Variants in BIRC6 observed in about 807,000 individuals in gnomAD.
BIRC6 encodes baculoviral IAP repeat containing 6.
In BIRC6, 98 loss-of-function variants were observed where a neutral mutation model predicts 503.3. The observed-to-expected ratio is 0.19, with a 90% CI of 0.17 to 0.23. BIRC6 has a LOEUF of 0.23. Among genes scored for constraint, BIRC6 ranks in the 10% least tolerant of loss-of-function variants. The pLI is 1.00. For missense variants in BIRC6, 5,360 were observed against 5,806.0 expected (o/e 0.92, Z 2.50); for synonymous variants, 2,240 against 2,078.7 (o/e 1.08, Z -2.11).
intron 40 of BIRC6, among the ~76,000 whole-genome samples, chr2:32,487,340 C>T (rs1403197290): frequency 6.6e-6 from 1 of 151,912 alleles, no homozygotes; most frequent in Non-Finnish European, 1.5e-5. Flanking sequence ...TATTTCTTTC[C>T]CTTTACTTTC....
At position 32,430,974 on chromosome 2, in the gene BIRC6, A is replaced by G. The variant is rs747092793; in HGVS notation, c.3132A>G (p.Pro1044=). 7 of 1,613,242 alleles carry G rather than the reference A, an allele frequency of 4.3e-6. No individual in the cohort carries two copies. The Admixed American group carries it at 8.3e-5, about 19-fold the overall frequency. ...LTPRFSATVP[P]CWVEVQQEQQ... Reference sequence around the variant, plus strand: ...CAAGGTTTTCAGCGACTGTTCCTCCATGCTGGGTAGAAGTTCAACAAGAAC... The same window carrying G: ...CAAGGTTTTCAGCGACTGTTCCTCCGTGCTGGGTAGAAGTTCAACAAGAAC... Residue 1044 remains proline (P), a synonymous_variant, in exon 12 of 74, where the codon CCA becomes CCG. Transcript: ENST00000421745.
intron 34 of BIRC6, 33 bp from the exon 35 acceptor site, chr2:32,477,334 CA>C (rs745763371): frequency 1.3e-6 from 2 of 1,589,548 alleles, no homozygotes; most frequent in Non-Finnish European, 1.7e-6. Flanking sequence ...ATTAAGTAAA[CA>C]TTGATTTAAA....
chr2:32,384,084 G>A (rs1266424694), intron 3 of BIRC6, among the ~76,000 whole-genome samples: 1 of 152,208 alleles, frequency 6.6e-6, no homozygotes, highest in Non-Finnish European at 1.5e-5. Context: ...TGGAAGTGTT[G>A]TTGTACCCCT....
chr2:32,581,681 A>G (rs1378006875), intron 66 of BIRC6, among the ~76,000 whole-genome samples: 2 of 152,168 alleles, frequency 1.3e-5, no homozygotes, highest in Non-Finnish European at 2.9e-5. Context: ...AATCCTTGAA[A>G]TATATTAGAC....
chr2:32,421,287 A>G (rs557216489), intron 10 of BIRC6, among the ~76,000 whole-genome samples: 1 of 151,680 alleles, frequency 6.6e-6, no homozygotes, highest in African/African-American at 2.4e-5. Context: ...TTGTATTTTT[A>G]GAAGAGACAG....
chr2:32,464,124 G>A (rs1417661304), intron 24 of BIRC6, among the ~76,000 whole-genome samples: 1 of 152,180 alleles, frequency 6.6e-6, no homozygotes, highest in African/African-American at 2.4e-5. Context: ...GTGTCAAAAA[G>A]GTTGAGGACC....
chr2:32,471,294 A>G (rs2049068778), intron 32 of BIRC6, 170 bp downstream of exon 32: 3 of 467,864 alleles, frequency 6.4e-6, no homozygotes, highest in Non-Finnish European at 8.4e-6. Context: ...CTGTTTAAAG[A>G]TAACATTTAT....
At chr2:32,432,117 C>A (rs1337459104) in intron 12 of BIRC6, among the ~76,000 whole-genome samples, 2 of 151,786 alleles carry the variant, frequency 1.3e-5, no homozygotes, top group Non-Finnish European at 2.9e-5. Flanking sequence ...GGAGGGAGAT[C>A]CAAAGAGGTA....
chr2:32,550,895 T>A (rs949617558), intron 65 of BIRC6, among the ~76,000 whole-genome samples: 1 of 152,188 alleles, frequency 6.6e-6, no homozygotes, highest in African/African-American at 2.4e-5. Flanking sequence ...TGGAACTGTT[T>A]TAGAAATTTA....
At chr2:32,561,595 G>A (rs951735294) in intron 65 of BIRC6, among the ~76,000 whole-genome samples, 1 of 151,070 alleles carries the variant, frequency 6.6e-6, no homozygotes, top group African/African-American at 2.4e-5. Flanking sequence ...GAAATCGTTC[G>A]ATTTCATTTT....
chr2:32,392,042 A>G lies in BIRC6; in HGVS notation c.843A>G (p.Ser281=). The G allele has an allele frequency of 6.4e-7, 1 of 1,561,084 alleles. No homozygotes were observed. Among genetic ancestry groups the G allele is most frequent in the Admixed American group, 1.9e-5 (1 of 53,740 alleles). ...GVGPGRSVDR[S]LMYSEANRRE... ...CATAAAGTATGTTTACTTTTAGATC[A>G]CTGATGTATAGTGAAGCTAACAGAC... Residue 281 remains serine, a synonymous_variant, in exon 5 of 74, where the codon TCA becomes TCG. Coordinates refer to ENST00000421745, the MANE Select transcript of BIRC6 (RefSeq NM_016252.4).
rs774228514 is a variant in BIRC6 at position 32,429,136 on chromosome 2, T to C, written c.2873-10T>C. 1.7e-5 allele frequency: 26 copies of C among 1,575,022 alleles called. No individual in the cohort carries two copies. The highest frequency in any genetic ancestry group is 2.2e-5 in the Non-Finnish European group (26 of 1,162,634). On this transcript the variant is annotated splice_polypyrimidine_tract_variant and intron_variant, in intron 10 of 73. Transcript: ENST00000421745. Reference sequence around the variant, plus strand: ...TTTTTCATGTATCTATGAAATTTACTACACTGTAGGTGGTGAGCTTCATTT... The same window carrying C: ...TTTTTCATGTATCTATGAAATTTACCACACTGTAGGTGGTGAGCTTCATTT...
intron 30 of BIRC6, among the ~76,000 whole-genome samples, chr2:32,469,822 A>C (rs1289480902): frequency 6.6e-6 from 1 of 152,202 alleles, no homozygotes; most frequent in Non-Finnish European, 1.5e-5. Context: ...TTAGTTTTCT[A>C]ATTGAACTTG....
intron 23 of BIRC6, among the ~76,000 whole-genome samples, chr2:32,461,394 C>T (rs538318471): frequency 1.4e-5 from 2 of 139,642 alleles, no homozygotes; most frequent in Non-Finnish European, 3.0e-5. Context: ...TTAGTAGAGA[C>T]AAGGTCTCAC....
At chr2:32,511,991 A>G (rs1412539525) in intron 53 of BIRC6, among the ~76,000 whole-genome samples, 1 of 152,206 alleles carries the variant, frequency 6.6e-6, no homozygotes, top group African/African-American at 2.4e-5. Flanking sequence ...TGTTAGGATT[A>G]TTTAATTTTT....
At chr2:32,366,485 G>A (rs1371494666) in intron 1 of BIRC6, among the ~76,000 whole-genome samples, 3 of 152,072 alleles carry the variant, frequency 2.0e-5, no homozygotes, top group Non-Finnish European at 4.4e-5. Flanking sequence ...AAAATCTCTA[G>A]TTGTAACTAT....
At chr2:32,504,092 G>A (rs1014735042) in intron 49 of BIRC6, among the ~76,000 whole-genome samples, 1 of 147,816 alleles carries the variant, frequency 6.8e-6, no homozygotes, top group Non-Finnish European at 1.5e-5. Flanking sequence ...TAGAGATGGG[G>A]TTTCACCATG....
At chr2:32,615,415 A>G (rs2063167487) in intron 73 of BIRC6, among the ~76,000 whole-genome samples, 1 of 152,184 alleles carries the variant, frequency 6.6e-6, no homozygotes, top group African/African-American at 2.4e-5. Flanking sequence ...GAAACTTTGC[A>G]AATAGCTGCA....
intron 15 of BIRC6, among the ~76,000 whole-genome samples, chr2:32,436,884 TTC>T (rs1206244862): frequency 2.0e-4 from 23 of 112,924 alleles, no homozygotes; most frequent in Admixed American, 5.2e-4. Flanking sequence ...TTTTTGTTTT[TTC>T]TTTTTTTTTT....
Sources: allele counts gnomAD v4.1 joint callset (sites outside exome capture counted in the v4.1 genomes callset), GRCh38; gene constraint gnomAD v4.1.1; transcripts MANE v1.5; gene names NCBI Gene and HGNC (gene_info 2026-07-23, HGNC 2026-07-21).